STYXL2: variants seen among roughly 807,000 people sequenced by gnomAD.
STYXL2 encodes the protein serine/threonine/tyrosine interacting like 2, also known as serine/threonine/tyrosine-interacting-like protein 2.
STYXL2 carries 44 observed loss-of-function variants against 52.4 expected under a neutral mutation model. The observed-to-expected ratio is 0.84, with a 90% CI of 0.66 to 1.08. The LOEUF (loss-of-function observed/expected upper bound fraction) is 1.08, where lower values mean the gene tolerates loss of function less well. Ranked by LOEUF, STYXL2 falls within the 50% of genes least tolerant of loss-of-function variation. The pLI, the probability that STYXL2 is intolerant of heterozygous loss-of-function variation, is 0.00. For missense variants in STYXL2, 1,604 were observed against 1,471.7 expected (o/e 1.09, Z -1.47); for synonymous variants, 604 against 586.9 (o/e 1.03, Z -0.42).
At chr1:167,100,760 C>T (rs1667387304) in intron 2 of STYXL2, among the ~76,000 whole-genome samples, 1 of 152,206 alleles carries the variant, frequency 6.6e-6, no homozygotes, top group Admixed American at 6.5e-5. Flanking sequence ...TTTTAATGCG[C>T]TTCTTGGTTT....
At chr1:167,113,865 G>C in intron 3 of STYXL2, 61 bp downstream of exon 3, 1 of 1,320,162 alleles carries the variant, frequency 7.6e-7, no homozygotes. Flanking sequence ...ACCCTTAGAG[G>C]GGGGCCATTG....
chr1:167,127,615 T>G lies in STYXL2; in HGVS notation c.2484T>G (p.Ala828=). The G allele has an allele frequency of 1.9e-6, 3 of 1,614,114 alleles. No homozygotes were observed. The highest frequency in any genetic ancestry group is 2.5e-6 in the Non-Finnish European group (3 of 1,180,012). ...GCAAGCCCATCTTCAGCCTCTTTGC[T>G]GACAATGTGGACCTAAAGGAACTTG... The part of the protein sequence containing the change: ...GTSKPIFSLF[A]DNVDLKELGR... Residue 828 remains alanine (A), a synonymous_variant, in exon 6 of 6, where the codon GCT becomes GCG. Coordinates refer to ENST00000361200, the MANE Select transcript of STYXL2 (RefSeq NM_001080426.3).
Position 167,127,089 on chromosome 1 carries a change from C to A in STYXL2, c.1958C>A (p.Ala653Asp). ...AGCTGGGAGGCGGACAGCTCCACGG[C>A]CAGCGGGAGCATTCCCCTGTCTGCG... ...MASWEADSST[A>D]SGSIPLSAFW... The change falls in exon 6 of 6, where the codon GCC becomes GAC. Residue 653 changes from alanine (A) to aspartate (D), a missense_variant. By Grantham distance (126) the Ala-to-Asp change is moderately radical. Coordinates refer to ENST00000361200, the MANE Select transcript of STYXL2 (RefSeq NM_001080426.3). 3 of 1,613,594 alleles carry A rather than the reference C, an allele frequency of 1.9e-6. No homozygotes were observed. The highest frequency in any genetic ancestry group is 2.5e-6 in the Non-Finnish European group (3 of 1,179,702).
At chr1:167,115,826 C>A (rs372105238) in intron 3 of STYXL2, among the ~76,000 whole-genome samples, 1 of 151,892 alleles carries the variant, frequency 6.6e-6, no homozygotes, top group Non-Finnish European at 1.5e-5. Flanking sequence ...AGAGCTGAGC[C>A]CTGATGCAGG....
rs1482558297 is a variant in STYXL2 at position 167,128,671 on chromosome 1, C to T, written c.*63C>T. On this transcript the variant is annotated 3_prime_UTR_variant, in exon 6 of 6. Coordinates refer to ENST00000361200, the MANE Select transcript of STYXL2 (RefSeq NM_001080426.3). ...ACGTTAGCATAGGGCTCAGGGCACA[C>T]GTTGCCACCACTCATCGCAGGATGA... The T allele has an allele frequency of 5.3e-6, 8 of 1,521,434 alleles. No homozygotes were observed. Among genetic ancestry groups the T allele is most frequent in the Non-Finnish European group, 6.1e-6 (7 of 1,144,532 alleles). 94.2% of individuals were successfully genotyped at this position (1,521,434 alleles called of 1,614,324 possible). A position where few individuals can be genotyped will look rare whatever the true frequency, so the allele number is the denominator to read the frequency against.
At chr1:167,109,622 C>T (rs1332564954) in intron 2 of STYXL2, among the ~76,000 whole-genome samples, 2 of 152,148 alleles carry the variant, frequency 1.3e-5, no homozygotes, top group Admixed American at 6.5e-5. Context: ...AAGACATAAT[C>T]TCTTGGAAGC....
Position 167,126,176 on chromosome 1 carries a change from A to C in STYXL2, c.1045A>C (p.Lys349Gln). 1 of 1,516,362 alleles carries C rather than the reference A, an allele frequency of 6.6e-7. No homozygotes were observed. The highest frequency in any genetic ancestry group is 8.8e-7 in the Non-Finnish European group (1 of 1,135,144). 93.9% of individuals were successfully genotyped at this position (1,516,362 alleles called of 1,614,324 possible). ...CCTCATAGACGAGGAGGAGGAGGAG[A>C]AACTGTACGAGCAGTGGAAGAAGGG... ...LTLIDEEEEE[K>Q]LYEQWKKGQG... Residue 349 changes from lysine to glutamine, a missense_variant, in exon 6 of 6, where the codon AAA (lysine) becomes CAA (glutamine). Coordinates refer to ENST00000361200, the MANE Select transcript of STYXL2 (RefSeq NM_001080426.3).
At chr1:167,116,806 C>A (rs914525799) in intron 3 of STYXL2, among the ~76,000 whole-genome samples, 1 of 152,124 alleles carries the variant, frequency 6.6e-6, no homozygotes, top group Non-Finnish European at 1.5e-5. Flanking sequence ...CACTCTCCAC[C>A]ACGCTTGGCT....
At chr1:167,121,164 T>C (rs1445813611) in intron 5 of STYXL2, among the ~76,000 whole-genome samples, 1 of 151,774 alleles carries the variant, frequency 6.6e-6, no homozygotes, top group Non-Finnish European at 1.5e-5. Flanking sequence ...AGACTCCCAC[T>C]ACCACGCCCA....
intron 2 of STYXL2, among the ~76,000 whole-genome samples, chr1:167,101,197 G>C (rs1324551858): frequency 6.6e-6 from 1 of 152,166 alleles, no homozygotes; most frequent in Non-Finnish European, 1.5e-5. Flanking sequence ...AAAATGATAT[G>C]TGGATGGCAA....
intron 2 of STYXL2, among the ~76,000 whole-genome samples, chr1:167,112,883 A>T (rs1032472256): frequency 6.6e-6 from 1 of 152,184 alleles, no homozygotes; most frequent in Admixed American, 6.5e-5. Flanking sequence ...ACTAAGCAGA[A>T]AAAAGAAAAT....
rs1375847864 is a variant in STYXL2, at chr1:167,127,754, A to G, written c.2623A>G (p.Lys875Glu). Residue 875 changes from lysine to glutamate, a missense_variant, in exon 6 of 6, where the codon AAG (lysine) becomes GAG (glutamate). By Grantham distance (56) the Lys-to-Glu change is moderately conservative. Coordinates refer to ENST00000361200, the MANE Select transcript of STYXL2 (RefSeq NM_001080426.3). ...RSSLFKKKKV[K>E]EDEDDGVGDG... Reference sequence around the variant, plus strand: ...CTCCCTCTTCAAGAAGAAGAAGGTCAAGGAAGATGAGGATGATGGTGTGGG... The same window carrying G: ...CTCCCTCTTCAAGAAGAAGAAGGTCGAGGAAGATGAGGATGATGGTGTGGG... The G allele has an allele frequency of 6.2e-7, 1 of 1,613,870 alleles. No homozygotes were observed. Among genetic ancestry groups the G allele is most frequent in the Non-Finnish European group, 8.5e-7 (1 of 1,180,006 alleles).
chr1:167,126,378 A>G lies in STYXL2; in HGVS notation c.1247A>G (p.Glu416Gly). The G allele has an allele frequency of 6.5e-7, 1 of 1,549,746 alleles. No individual in the cohort carries two copies. The highest frequency in any genetic ancestry group is 8.7e-7 in the Non-Finnish European group (1 of 1,146,566). The change falls in exon 6 of 6, where the codon GAG (glutamate) becomes GGG (glycine). Residue 416 changes from glutamate to glycine, a missense_variant. Coordinates refer to ENST00000361200, the MANE Select transcript of STYXL2 (RefSeq NM_001080426.3). ...TACCGGAGGTGGGGAAGGGAGGAGG[A>G]GAAGGAGGAGGAGAGCGACGCTGGC... Reference protein sequence around the residue: ...EGYRRWGREEEKEEESDAGSS... With the variant: ...EGYRRWGREEGKEEESDAGSS...
rs536582815 is a variant in STYXL2 at position 167,110,115 on chromosome 1, A to G, written c.111-3595A>G. On this transcript the variant is annotated intron_variant, in intron 2 of 5. Coordinates refer to ENST00000361200, the MANE Select transcript of STYXL2 (RefSeq NM_001080426.3). The stretch of plus-strand genomic sequence containing the variant: ...GCTCCACTGGGTGGCTGGACCCAGA[A>G]GAGCAATAATAGTCACTGCAGTCCA... 2.1e-3 allele frequency among the ~76,000 whole-genome samples: 325 copies of G among 152,358 alleles called. 3 individuals carry two copies. The highest frequency in any genetic ancestry group is 2.2e-3 in the Non-Finnish European group (150 of 68,028).
intron 2 of STYXL2, among the ~76,000 whole-genome samples, chr1:167,107,619 G>T (rs1667531536): frequency 6.6e-6 from 1 of 152,142 alleles, no homozygotes; most frequent in South Asian, 2.1e-4. Flanking sequence ...ATTCCCTTAA[G>T]TATAGTTCTA....
chr1:167,102,178 A>C lies in STYXL2; in HGVS notation c.110+7219A>C, dbSNP rs957646140. Among the ~76,000 whole-genome samples, 11 of 152,154 alleles carry C rather than the reference A, an allele frequency of 7.2e-5. 1 individual carries two copies. The highest frequency in any genetic ancestry group is 6.6e-4 in the Admixed American group (10 of 15,262). The stretch of plus-strand genomic sequence containing the variant: ...GGGAGGGGGTGAGAGGGAGGGCTTA[A>C]AAAGGGGCACACGGGATGATGTGAC... On this transcript the variant is annotated intron_variant, in intron 2 of 5. Coordinates refer to ENST00000361200, the MANE Select transcript of STYXL2 (RefSeq NM_001080426.3).
chr1:167,099,380 A>G (rs1405304461), intron 2 of STYXL2, among the ~76,000 whole-genome samples: 2 of 152,230 alleles, frequency 1.3e-5, no homozygotes, highest in African/African-American at 4.8e-5. Flanking sequence ...CATGCACCCA[A>G]CAAGTACAGG....
At chr1:167,103,281 C>T (rs1443630047) in intron 2 of STYXL2, among the ~76,000 whole-genome samples, 1 of 152,106 alleles carries the variant, frequency 6.6e-6, no homozygotes, top group Non-Finnish European at 1.5e-5. Context: ...GATTACATTC[C>T]CAGGTTTTGG....
intron 2 of STYXL2, among the ~76,000 whole-genome samples, chr1:167,111,513 TACACACAC>T (rs767623370): frequency 4.0e-5 from 2 of 50,136 alleles, no homozygotes; most frequent in Middle Eastern, 9.3e-3. Flanking sequence ...TATATATATA[TACACACAC>T]ACACACACAA....
Sources: gnomAD v4.1 joint callset for allele counts (sites outside exome capture counted in the v4.1 genomes callset) on GRCh38, gnomAD v4.1.1 for gene constraint, MANE v1.5 for transcripts, NCBI Gene and HGNC (gene_info 2026-07-23, HGNC 2026-07-21) for gene names.